Variants in PRKN observed in about 807,000 individuals in gnomAD.
PRKN encodes the protein parkin RBR E3 ubiquitin protein ligase, also known as E3 ubiquitin-protein ligase parkin.
Under a neutral mutation model 59.5 loss-of-function variants are expected in PRKN, and 56 were observed. The observed-to-expected ratio is 0.94, with a 90% CI of 0.76 to 1.18. The LOEUF (loss-of-function observed/expected upper bound fraction) is 1.18. Ranked by LOEUF, PRKN falls within the 50% of genes most tolerant of loss-of-function variation. The pLI is 0.00. For missense variants in PRKN, 657 were observed against 596.4 expected (o/e 1.10, Z -1.06); for synonymous variants, 250 against 222.1 (o/e 1.13, Z -1.12).
chr6:162,018,477 T>C (rs1783013549), intron 5 of PRKN, among the ~76,000 whole-genome samples: 1 of 152,054 alleles, frequency 6.6e-6, no homozygotes. Flanking sequence ...TTACTTGGAG[T>C]CTAAATTATC....
intron 6 of PRKN, among the ~76,000 whole-genome samples, chr6:161,955,454 C>T (rs1300097843): frequency 1.3e-5 from 2 of 152,138 alleles, no homozygotes; most frequent in Non-Finnish European, 2.9e-5. Flanking sequence ...TTTACATTAT[C>T]ATAATTATAT....
At chr6:161,859,151 A>G (rs762185899) in intron 6 of PRKN, among the ~76,000 whole-genome samples, 2 of 151,554 alleles carry the variant, frequency 1.3e-5, no homozygotes, top group East Asian at 2.0e-4. Flanking sequence ...TTACAGGCAT[A>G]AGCCACCACA....
At chr6:162,286,532 G>A (rs892853879) in intron 2 of PRKN, among the ~76,000 whole-genome samples, 4 of 152,178 alleles carry the variant, frequency 2.6e-5, no homozygotes, top group Non-Finnish European at 4.4e-5. Context: ...TGTGGGATTA[G>A]CATAAGCAGA....
intron 7 of PRKN, among the ~76,000 whole-genome samples, chr6:161,734,663 G>A (rs1298671408): frequency 6.6e-6 from 1 of 152,176 alleles, no homozygotes; most frequent in South Asian, 2.1e-4. Context: ...GCATAGGTGA[G>A]TTTTTAATGC....
chr6:161,450,441 T>C (rs1185760810), intron 9 of PRKN, among the ~76,000 whole-genome samples: 1 of 152,274 alleles, frequency 6.6e-6, no homozygotes, highest in Non-Finnish European at 1.5e-5. Flanking sequence ...TACCCTACTT[T>C]GCAATACATA....
rs1183873571 is a variant in PRKN, at chr6:162,164,735, ATTTTC to A, written c.534+36391_534+36395del. ...ATCAGAAGCCTATGTGCCATCTAAA[ATTTTC>A]TTTTATTTTTTAAATTAAAATGATC... On this transcript the variant is annotated intron_variant, in intron 4 of 11. Transcript: ENST00000366898. Among the ~76,000 whole-genome samples the A allele has an allele frequency of 7.4e-5, 11 of 148,952 alleles. No homozygotes were observed. The East Asian group carries it at 1.9e-3, about 26-fold the overall frequency.
chr6:162,031,286 A>G lies in PRKN; in HGVS notation c.618+22805T>C, dbSNP rs192273920. 7.2e-5 allele frequency among the ~76,000 whole-genome samples: 11 copies of G among 151,906 alleles called. No individual in the cohort carries two copies. The East Asian group carries it at 1.9e-3, about 27-fold the overall frequency. On this transcript the variant is annotated intron_variant, in intron 5 of 11. Transcript: ENST00000366898. The stretch of plus-strand genomic sequence containing the variant: ...AATGGTGACAAGAATATATGTTATC[A>G]TTCAAATTAGACTGCATGTTTGAAA...
At chr6:161,599,204 G>A (rs531935773) in intron 7 of PRKN, among the ~76,000 whole-genome samples, 1 of 152,316 alleles carries the variant, frequency 6.6e-6, no homozygotes, top group Non-Finnish European at 1.5e-5. Context: ...GTTGTTTTAA[G>A]CCATCCAAGC....
intron 7 of PRKN, among the ~76,000 whole-genome samples, chr6:161,673,223 C>T (rs1490582027): frequency 3.9e-5 from 6 of 152,146 alleles, no homozygotes; most frequent in African/African-American, 1.4e-4. Flanking sequence ...CCATGCACAC[C>T]GCAGGAGACA....
At chr6:162,476,848 T>C (rs1224152086) in intron 1 of PRKN, among the ~76,000 whole-genome samples, 2 of 152,116 alleles carry the variant, frequency 1.3e-5, no homozygotes, top group Non-Finnish European at 2.9e-5. Flanking sequence ...ATCGTGTACA[T>C]AAGCAAAGGG....
At chr6:162,555,023 T>C (rs1370048656) in intron 1 of PRKN, among the ~76,000 whole-genome samples, 2 of 152,116 alleles carry the variant, frequency 1.3e-5, no homozygotes, top group Non-Finnish European at 2.9e-5. Context: ...GGACTATGCT[T>C]CTAACAGACT....
chr6:161,686,981 T>A (rs1785581173), intron 7 of PRKN, among the ~76,000 whole-genome samples: 1 of 152,228 alleles, frequency 6.6e-6, no homozygotes, highest in South Asian at 2.1e-4. Context: ...TCTTATAGCT[T>A]CTTCCTTGCT....
chr6:162,445,298 T>C (rs1401489145), intron 1 of PRKN, among the ~76,000 whole-genome samples: 1 of 152,144 alleles, frequency 6.6e-6, no homozygotes, highest in Non-Finnish European at 1.5e-5. Flanking sequence ...AGGACATTAA[T>C]TACTTTCTAA....
intron 2 of PRKN, among the ~76,000 whole-genome samples, chr6:162,331,771 T>C (rs1211729045): frequency 6.6e-6 from 1 of 152,176 alleles, no homozygotes; most frequent in Non-Finnish European, 1.5e-5. Context: ...CCATAGTACG[T>C]GTCTGATTGA....
rs184368978 is a variant in PRKN, at chr6:161,843,973, C to G, written c.735-58065G>C. The stretch of plus-strand genomic sequence containing the variant: ...GGCTCCAGGCTCTGGTCCTCACCCT[C>G]TCTGTGAATTCCACTTGAAAGCCTT... On this transcript the variant is annotated intron_variant, in intron 6 of 11. Transcript: ENST00000366898. Among the ~76,000 whole-genome samples the G allele has an allele frequency of 3.1e-3, 473 of 152,248 alleles. 3 individuals are homozygous for G. The highest frequency in any genetic ancestry group is 0.011 in the African/African-American group (444 of 41,536).
intron 3 of PRKN, among the ~76,000 whole-genome samples, chr6:162,201,609 G>A (rs1032562784): frequency 3.3e-5 from 5 of 152,158 alleles, no homozygotes; most frequent in Non-Finnish European, 5.9e-5. Flanking sequence ...GGATGCTCCT[G>A]AATTCTATCT....
chr6:162,416,881 A>G (rs1027535324), intron 2 of PRKN, among the ~76,000 whole-genome samples: 3 of 152,166 alleles, frequency 2.0e-5, no homozygotes, highest in Non-Finnish European at 4.4e-5. Flanking sequence ...ATAATCAATT[A>G]AAGAAATTTT....
intron 3 of PRKN, among the ~76,000 whole-genome samples, chr6:162,206,028 G>A (rs907105382): frequency 3.3e-5 from 5 of 152,080 alleles, no homozygotes; most frequent in Admixed American, 1.3e-4. Context: ...ATGTTGGCCC[G>A]AGAGAAGGAG....
intron 6 of PRKN, among the ~76,000 whole-genome samples, chr6:161,899,164 C>T (rs1777783675): frequency 6.6e-6 from 1 of 152,200 alleles, no homozygotes; most frequent in Admixed American, 6.5e-5. Context: ...CCCTGGCCAG[C>T]CAGGCACACA....
Sources: gnomAD v4.1 joint callset for allele counts (sites outside exome capture counted in the v4.1 genomes callset) on GRCh38, gnomAD v4.1.1 for gene constraint, MANE v1.5 for transcripts, NCBI Gene and HGNC (gene_info 2026-07-23, HGNC 2026-07-21) for gene names.